The following CNTN5 variants were observed in gnomAD, a reference collection of about 807,000 sequenced individuals.
CNTN5 encodes the protein contactin-5.
Under a neutral mutation model 129.1 loss-of-function variants are expected in CNTN5, and 77 were observed. The observed-to-expected ratio is 0.60, with a 90% CI of 0.50 to 0.72. The LOEUF is 0.72. Ranked by LOEUF, CNTN5 falls within the 30% of genes least tolerant of loss-of-function variation. CNTN5 has a pLI of 0.00. For missense variants in CNTN5, 1,478 were observed against 1,328.8 expected, an observed-to-expected ratio of 1.11 and a Z score of -1.75; for synonymous variants, 509 against 465.6, an observed-to-expected ratio of 1.09 and a Z score of -1.20.
intron 2 of CNTN5, among the ~76,000 whole-genome samples, chr11:99,551,715 G>C (rs546606093): frequency 1.3e-5 from 2 of 152,186 alleles, no homozygotes; most frequent in East Asian, 3.9e-4. Context: ...CTACAGACCT[G>C]TACAGGATGT....
intron 14 of CNTN5, among the ~76,000 whole-genome samples, chr11:100,191,709 G>A (rs7931652): frequency 0.077 from 11,647 of 151,956 alleles, 528 homozygotes; most frequent in Middle Eastern, 0.19. Context: ...AGATAAACTG[G>A]CTCCAGAGCT....
At chr11:99,252,670 A>T (rs891325925) in intron 1 of CNTN5, among the ~76,000 whole-genome samples, 1 of 152,020 alleles carries the variant, frequency 6.6e-6, no homozygotes. Flanking sequence ...ATTGTGGCTT[A>T]AAGTTTAATT....
intron 1 of CNTN5, among the ~76,000 whole-genome samples, chr11:99,209,798 C>T (rs1012508652): frequency 6.6e-5 from 10 of 152,140 alleles, no homozygotes; most frequent in African/African-American, 2.4e-4. Context: ...AATGAACAGA[C>T]ACTAAATTCT....
chr11:99,864,404 G>A (rs891333716), intron 6 of CNTN5, among the ~76,000 whole-genome samples: 3 of 151,882 alleles, frequency 2.0e-5, no homozygotes, highest in East Asian at 3.9e-4. Context: ...CAGGTTTTTG[G>A]CACGTAATAT....
chr11:99,334,471 C>T (rs1866136099), intron 2 of CNTN5, among the ~76,000 whole-genome samples: 1 of 152,006 alleles, frequency 6.6e-6, no homozygotes, highest in South Asian at 2.1e-4. Flanking sequence ...ATAATAGTTA[C>T]CCATAAATAC....
intron 1 of CNTN5, among the ~76,000 whole-genome samples, chr11:99,082,967 A>G (rs1865866510): frequency 1.3e-5 from 2 of 151,986 alleles, no homozygotes; most frequent in African/African-American, 4.8e-5. Flanking sequence ...GATTATGGTA[A>G]TTATGTTTCT....
intron 13 of CNTN5, among the ~76,000 whole-genome samples, chr11:100,095,374 T>C (rs1288425881): frequency 6.6e-6 from 1 of 151,376 alleles, no homozygotes; most frequent in Non-Finnish European, 1.5e-5. Flanking sequence ...CCAGAAGTCT[T>C]TTTATAATTG....
intron 6 of CNTN5, among the ~76,000 whole-genome samples, chr11:99,878,069 A>AT (rs1948679050): frequency 6.6e-6 from 1 of 152,244 alleles, no homozygotes; most frequent in Non-Finnish European, 1.5e-5. Context: ...AATATGTAGC[A>AT]TACATTATAA....
intron 2 of CNTN5, among the ~76,000 whole-genome samples, chr11:99,330,045 C>T (rs1166681717): frequency 6.7e-6 from 1 of 148,978 alleles, no homozygotes; most frequent in African/African-American, 2.5e-5. Context: ...TTTTTAACCA[C>T]CGAGTGGACT....
chr11:99,223,059 C>T (rs1860482629), intron 1 of CNTN5, among the ~76,000 whole-genome samples: 2 of 152,060 alleles, frequency 1.3e-5, no homozygotes, highest in Non-Finnish European at 2.9e-5. Context: ...GGGCTTGAAT[C>T]TACTAGCAAA....
chr11:99,957,469 G>T (rs942748537), intron 8 of CNTN5, among the ~76,000 whole-genome samples: 2 of 152,152 alleles, frequency 1.3e-5, no homozygotes, highest in Admixed American at 6.5e-5. Flanking sequence ...AATAATAGGA[G>T]CAGTTGGAAC....
At chr11:100,122,027 A>G (rs1184525526) in intron 13 of CNTN5, among the ~76,000 whole-genome samples, 1 of 151,998 alleles carries the variant, frequency 6.6e-6, no homozygotes, top group Non-Finnish European at 1.5e-5. Context: ...TCTTCCAGAT[A>G]GAGGATTTAT....
intron 1 of CNTN5, among the ~76,000 whole-genome samples, chr11:99,106,172 G>A (rs1465841952): frequency 2.0e-5 from 3 of 152,032 alleles, no homozygotes; most frequent in East Asian, 3.9e-4. Context: ...TTTGCCCAAA[G>A]TCTAAGATTT....
At chr11:99,971,299 C>T (rs1393283478) in intron 8 of CNTN5, among the ~76,000 whole-genome samples, 2 of 152,102 alleles carry the variant, frequency 1.3e-5, no homozygotes, top group African/African-American at 4.8e-5. Context: ...AATCCCAGCA[C>T]TTTGGGAGGC....
In CNTN5 at chr11:100,140,498, T is replaced by C. The variant is rs112431026; in HGVS notation, c.1581-50628T>C. Among the ~76,000 whole-genome samples the C allele has an allele frequency of 6.8e-3, 1,029 of 152,178 alleles. 9 individuals carry two copies. The highest frequency in any genetic ancestry group is 0.023 in the African/African-American group (970 of 41,540). On this transcript the variant is annotated intron_variant, in intron 13 of 24. Coordinates refer to ENST00000524871, the MANE Select transcript of CNTN5 (RefSeq NM_014361.4). ...TGGTCTTGATGAGATTAAAGGCTTG[T>C]TGGAGTTAGGGTACAGAAAAGGGTG...
chr11:99,217,618 C>T (rs1397032341), intron 1 of CNTN5, among the ~76,000 whole-genome samples: 1 of 152,176 alleles, frequency 6.6e-6, no homozygotes, highest in Non-Finnish European at 1.5e-5. Flanking sequence ...GTCTTTCCCA[C>T]TTAAATTTGC....
At chr11:99,377,080 G>A (rs527831053) in intron 2 of CNTN5, among the ~76,000 whole-genome samples, 2 of 152,194 alleles carry the variant, frequency 1.3e-5, no homozygotes, top group African/African-American at 2.4e-5. Context: ...ATTAAATTCT[G>A]TCAGGAAGCG....
intron 2 of CNTN5, among the ~76,000 whole-genome samples, chr11:99,431,314 C>G (rs1943360509): frequency 6.6e-6 from 1 of 152,110 alleles, no homozygotes. Context: ...CTGAAGACTG[C>G]TTTCTACCAA....
chr11:100,053,525 C>A (rs1943069181), intron 9 of CNTN5, among the ~76,000 whole-genome samples: 1 of 151,646 alleles, frequency 6.6e-6, no homozygotes, highest in Non-Finnish European at 1.5e-5. Flanking sequence ...ACTTTAGTAT[C>A]ACTACAGTAC....
Sources: allele counts gnomAD v4.1 joint callset (sites outside exome capture counted in the v4.1 genomes callset), GRCh38; gene constraint gnomAD v4.1.1; transcripts MANE v1.5; gene names NCBI Gene and HGNC (gene_info 2026-07-23, HGNC 2026-07-21).